The following ATF7 variants were observed in gnomAD, a reference collection of about 807,000 sequenced individuals.
ATF7 encodes the protein cyclic AMP-dependent transcription factor ATF-7.
In ATF7, 10 loss-of-function variants were observed where a neutral mutation model predicts 50.4. That is an observed-to-expected ratio of 0.20 (90% confidence interval 0.12 to 0.34). ATF7 has a LOEUF of 0.34. ATF7 is among the 10% of genes least tolerant of loss of function. The probability of loss-of-function intolerance (pLI) is 1.00; values close to 1 mark genes in which losing one functional copy is unlikely to be tolerated. For synonymous variants in ATF7, 201 were observed against 226.4 expected (o/e 0.89, Z 1.01); for missense variants, 465 against 613.9 (o/e 0.76, Z 2.56).
rs397851114 is a variant in ATF7 at position 53,600,199 on chromosome 12, A to AT, written c.48+753dup. Among the ~76,000 whole-genome samples, 5 of 151,782 alleles carry AT rather than the reference A, an allele frequency of 3.3e-5. No homozygotes were observed. The South Asian group carries it at 1.0e-3, about 32-fold the overall frequency. Reference sequence around the variant, plus strand: ...TTTTCTGGATCAACAGTCAAAAGAAATTTTTTTTTCCTTATTTAAAAAATC... The same window carrying AT: ...TTTTCTGGATCAACAGTCAAAAGAAATTTTTTTTTTCCTTATTTAAAAAATC... On this transcript the variant is annotated intron_variant, in intron 2 of 11. Coordinates refer to ENST00000420353, the MANE Select transcript of ATF7 (RefSeq NM_006856.3).
At chr12:53,613,151 G>C (rs182547336) in intron 1 of ATF7, among the ~76,000 whole-genome samples, 1 of 152,348 alleles carries the variant, frequency 6.6e-6, no homozygotes, top group African/African-American at 2.4e-5. Context: ...TAACCTTTAT[G>C]AAACTATCAC....
intron 2 of ATF7, among the ~76,000 whole-genome samples, chr12:53,589,677 G>A (rs940947616): frequency 4.6e-5 from 7 of 152,140 alleles, no homozygotes; most frequent in Non-Finnish European, 1.0e-4. Flanking sequence ...TAGTCAAATC[G>A]AGAGGGTAAA....
intron 2 of ATF7, among the ~76,000 whole-genome samples, chr12:53,559,266 G>A (rs1372185058): frequency 2.7e-5 from 4 of 150,342 alleles, no homozygotes; most frequent in Admixed American, 6.6e-5. Context: ...GTCCCATTAC[G>A]TTGCCCAGCT....
At chr12:53,623,973 T>C (rs949336018) in intron 1 of ATF7, among the ~76,000 whole-genome samples, 1 of 152,200 alleles carries the variant, frequency 6.6e-6, no homozygotes, top group African/African-American at 2.4e-5. Context: ...GGTGTAAACT[T>C]TGATCCACAA....
intron 9 of ATF7, among the ~76,000 whole-genome samples, chr12:53,527,384 T>C (rs1938542184): frequency 6.7e-6 from 1 of 149,574 alleles, no homozygotes; most frequent in African/African-American, 2.5e-5. Flanking sequence ...TAGGAGGCTC[T>C]AGTGGGAGGA....
intron 11 of ATF7, among the ~76,000 whole-genome samples, chr12:53,518,560 C>G (rs1937875198): frequency 6.6e-6 from 1 of 152,228 alleles, no homozygotes; most frequent in Non-Finnish European, 1.5e-5. Flanking sequence ...TGGCCTCAAG[C>G]CATCCTCCTG....
chr12:53,584,170 G>A (rs1234094555), intron 2 of ATF7, among the ~76,000 whole-genome samples: 1 of 152,040 alleles, frequency 6.6e-6, no homozygotes, highest in African/African-American at 2.4e-5. Context: ...TAGGAGAGAC[G>A]GGGGTTTCAT....
At chr12:53,617,205 TAG>T (rs1944171485) in intron 1 of ATF7, among the ~76,000 whole-genome samples, 1 of 152,134 alleles carries the variant, frequency 6.6e-6, no homozygotes, top group African/African-American at 2.4e-5. Context: ...GTATTTTTTA[TAG>T]AGACAGGGTT....
chr12:53,571,718 T>C (rs1941775408), intron 2 of ATF7, among the ~76,000 whole-genome samples: 1 of 151,186 alleles, frequency 6.6e-6, no homozygotes, highest in Non-Finnish European at 1.5e-5. Context: ...ACAGAGTACA[T>C]CACACTAGAT....
intron 2 of ATF7, among the ~76,000 whole-genome samples, chr12:53,570,585 G>C (rs1240915010): frequency 1.3e-5 from 2 of 152,166 alleles, no homozygotes; most frequent in Non-Finnish European, 2.9e-5. Context: ...AGTTCTGGAG[G>C]CCAGAGGTGT....
intron 2 of ATF7, among the ~76,000 whole-genome samples, chr12:53,561,588 C>T (rs930150083): frequency 6.6e-6 from 1 of 152,112 alleles, no homozygotes; most frequent in African/African-American, 2.4e-5. Context: ...TTTGGGAAAG[C>T]AGGGAAAGGG....
intron 2 of ATF7, among the ~76,000 whole-genome samples, chr12:53,559,968 G>A (rs1941003082): frequency 6.6e-6 from 1 of 152,050 alleles, no homozygotes; most frequent in Non-Finnish European, 1.5e-5. Flanking sequence ...TGTTGCCCAG[G>A]CTGGAGTGCA....
At chr12:53,548,998 C>T (rs2137479017) in intron 3 of ATF7, among the ~76,000 whole-genome samples, 1 of 151,522 alleles carries the variant, frequency 6.6e-6, no homozygotes, top group East Asian at 2.0e-4. Flanking sequence ...AAAATACCCC[C>T]CAAAACGGCC....
At chr12:53,534,714 A>G in intron 5 of ATF7, 55 bp from the exon 6 acceptor site, 1 of 1,555,184 alleles carries the variant, frequency 6.4e-7, no homozygotes, top group East Asian at 2.3e-5. Context: ...CTTATAGGGA[A>G]ATATATAGAT....
chr12:53,543,490 T>TA, intron 3 of ATF7, 42 bp from the exon 4 acceptor site: 2 of 1,500,358 alleles, frequency 1.3e-6, no homozygotes, highest in Non-Finnish European at 1.8e-6. Flanking sequence ...AGTTTTGATC[T>TA]GAAATTAAAA....
At chr12:53,583,854 A>C (rs1259800291) in intron 2 of ATF7, among the ~76,000 whole-genome samples, 1 of 152,282 alleles carries the variant, frequency 6.6e-6, no homozygotes, top group East Asian at 1.9e-4. Context: ...AACAGTAAGA[A>C]AATGAACAAC....
intron 2 of ATF7, among the ~76,000 whole-genome samples, chr12:53,565,568 C>T (rs1205843358): frequency 6.6e-6 from 1 of 152,112 alleles, no homozygotes; most frequent in Non-Finnish European, 1.5e-5. Flanking sequence ...TATTGGCTAA[C>T]TGCAACCTCT....
chr12:53,612,709 G>A (rs1406893047), intron 1 of ATF7, among the ~76,000 whole-genome samples: 1 of 152,176 alleles, frequency 6.6e-6, no homozygotes, highest in African/African-American at 2.4e-5. Context: ...AAGTTAGGCT[G>A]GGCAAGGTGG....
rs191774977 is a variant in ATF7, at chr12:53,547,132, C to G, written c.146-3684G>C. Among the ~76,000 whole-genome samples, 415 of 146,120 alleles carry G rather than the reference C, an allele frequency of 2.8e-3. 1 individual carries two copies. The highest frequency in any genetic ancestry group is 0.011 in the Middle Eastern group (3 of 262). On this transcript the variant is annotated intron_variant, in intron 3 of 11. Coordinates refer to ENST00000420353, the MANE Select transcript of ATF7 (RefSeq NM_006856.3). ...CCCGAGTAGCTGGGACTACAGGCGC[C>G]CGCCACCATGCCTGGCTAATTTTTT... is the stretch of plus-strand genomic sequence containing the variant.
Sources: gnomAD v4.1 joint callset for allele counts (sites outside exome capture counted in the v4.1 genomes callset) on GRCh38, gnomAD v4.1.1 for gene constraint, MANE v1.5 for transcripts, NCBI Gene and HGNC (gene_info 2026-07-23, HGNC 2026-07-21) for gene names.